Variants in RBFOX1 observed in about 807,000 individuals in gnomAD.
RBFOX1 encodes the protein RNA binding fox-1 homolog 1.
RBFOX1 carries 8 observed loss-of-function variants against 57.7 expected under a neutral mutation model. That is an observed-to-expected ratio of 0.14 (90% confidence interval 0.08 to 0.25). RBFOX1 has a LOEUF of 0.25. Among genes scored for constraint, RBFOX1 ranks in the 10% least tolerant of loss-of-function variants. The probability of loss-of-function intolerance (pLI) is 1.00; values close to 1 mark genes in which losing one functional copy is unlikely to be tolerated. For synonymous variants in RBFOX1, 326 were observed against 222.4 expected, an observed-to-expected ratio of 1.47 and a Z score of -4.15; for missense variants, 611 against 548.5, an observed-to-expected ratio of 1.11 and a Z score of -1.14.
chr16:6,066,410 T>C (rs2152471960), intron 1 of RBFOX1, among the ~76,000 whole-genome samples: 1 of 151,624 alleles, frequency 6.6e-6, no homozygotes, highest in South Asian at 2.1e-4. Context: ...GCATCAGCTA[T>C]TATTGAAAAT....
At chr16:6,433,627 T>C (rs1232570781) in intron 2 of RBFOX1, among the ~76,000 whole-genome samples, 1 of 152,204 alleles carries the variant, frequency 6.6e-6, no homozygotes, top group Admixed American at 6.5e-5. Flanking sequence ...ATCAGATGTC[T>C]GGAAAGAGTT....
At chr16:5,802,656 T>A (rs1025367434) in intron 3 of RBFOX1, among the ~76,000 whole-genome samples, 1 of 152,208 alleles carries the variant, frequency 6.6e-6, no homozygotes, top group African/African-American at 2.4e-5. Flanking sequence ...CCCTGCAGAT[T>A]TCTTCCCTTT....
At chr16:5,967,045 T>A in intron 4 of RBFOX1, among the ~76,000 whole-genome samples, 1 of 146,824 alleles carries the variant, frequency 6.8e-6, no homozygotes, top group Non-Finnish European at 1.5e-5. Flanking sequence ...TTTTGTAAAT[T>A]AAGTTTGATG....
At position 6,842,151 on chromosome 16, in the gene RBFOX1, AT is replaced by A. The variant is rs1457181719; in HGVS notation, c.-16+187502del. ...GAGCAAGACTGTCTCAGAAAAAAAA[AT>A]AAAAAATAAATAAATAAATAAATAA... On this transcript the variant is annotated intron_variant, in intron 3 of 15. Transcript: ENST00000550418. Among the ~76,000 whole-genome samples, 24 of 141,010 alleles carry A rather than the reference AT, an allele frequency of 1.7e-4. 1 individual carries two copies. The highest frequency in any genetic ancestry group is 4.9e-4 in the African/African-American group (18 of 36,668). The allele number at this position is 141,010 out of a possible 152,430, so 92.5% of individuals were successfully genotyped here.
chr16:7,480,465 T>C (rs1291998827), intron 4 of RBFOX1, among the ~76,000 whole-genome samples: 1 of 152,218 alleles, frequency 6.6e-6, no homozygotes, highest in Non-Finnish European at 1.5e-5. Flanking sequence ...TTGAGAACAG[T>C]AAATGTGTAA....
At chr16:5,612,819 C>T (rs1175656525) in intron 3 of RBFOX1, among the ~76,000 whole-genome samples, 3 of 152,168 alleles carry the variant, frequency 2.0e-5, no homozygotes, top group Non-Finnish European at 4.4e-5. Flanking sequence ...GCATTGAAGA[C>T]CTCAGTGCCA....
intron 4 of RBFOX1, among the ~76,000 whole-genome samples, chr16:7,398,266 T>C (rs1010389532): frequency 1.3e-5 from 2 of 152,296 alleles, no homozygotes; most frequent in East Asian, 1.9e-4. Context: ...TTGAATCTTA[T>C]GTTTTTCTTT....
At chr16:6,237,485 G>C (rs2097513971) in intron 1 of RBFOX1, among the ~76,000 whole-genome samples, 1 of 152,108 alleles carries the variant, frequency 6.6e-6, no homozygotes, top group South Asian at 2.1e-4. Flanking sequence ...ACCAGAAAAA[G>C]AAATACCTGC....
intron 1 of RBFOX1, among the ~76,000 whole-genome samples, chr16:6,034,034 A>G (rs1336272000): frequency 4.6e-5 from 7 of 152,120 alleles, no homozygotes; most frequent in African/African-American, 1.7e-4. Context: ...AGGGTGATTT[A>G]GAAAGAATAG....
intron 3 of RBFOX1, among the ~76,000 whole-genome samples, chr16:6,785,860 C>G (rs1257664570): frequency 6.6e-6 from 1 of 152,206 alleles, no homozygotes; most frequent in South Asian, 2.1e-4. Context: ...GTCCATTAGA[C>G]TCTAAAACTG....
intron 2 of RBFOX1, among the ~76,000 whole-genome samples, chr16:5,485,721 G>A (rs1306052469): frequency 6.6e-6 from 1 of 152,148 alleles, no homozygotes; most frequent in East Asian, 1.9e-4. Flanking sequence ...GTTACCCTTG[G>A]TCTATTTTAG....
At chr16:6,841,015 G>T (rs1341185896) in intron 3 of RBFOX1, among the ~76,000 whole-genome samples, 1 of 152,160 alleles carries the variant, frequency 6.6e-6, no homozygotes, top group Non-Finnish European at 1.5e-5. Context: ...AGCACCTTGG[G>T]CTTAGCCTCC....
At chr16:6,506,021 A>T (rs2096078621) in intron 2 of RBFOX1, among the ~76,000 whole-genome samples, 1 of 152,186 alleles carries the variant, frequency 6.6e-6, no homozygotes, top group African/African-American at 2.4e-5. Flanking sequence ...GCTAACTGGG[A>T]TAGGTGACCT....
intron 4 of RBFOX1, among the ~76,000 whole-genome samples, chr16:5,888,986 A>G (rs1323820494): frequency 6.6e-6 from 1 of 151,994 alleles, no homozygotes; most frequent in African/African-American, 2.4e-5. Flanking sequence ...CTTTGTTGGG[A>G]GTATTAAGCA....
intron 3 of RBFOX1, among the ~76,000 whole-genome samples, chr16:5,851,345 A>G (rs1597487310): frequency 6.6e-6 from 1 of 152,094 alleles, no homozygotes; most frequent in East Asian, 1.9e-4. Context: ...GCCACACTGG[A>G]GGTTCATTTC....
At chr16:6,890,061 GATTTTCTTTTAAAGT>G (rs1555576905) in intron 3 of RBFOX1, among the ~76,000 whole-genome samples, 1 of 152,170 alleles carries the variant, frequency 6.6e-6, no homozygotes, top group Non-Finnish European at 1.5e-5. Context: ...TGATTTTATA[GATTTTCTTTTAAAGT>G]AAAATGTGTT....
chr16:6,112,606 G>A (rs562890175), intron 1 of RBFOX1, among the ~76,000 whole-genome samples: 20 of 152,272 alleles, frequency 1.3e-4, no homozygotes, highest in South Asian at 2.1e-4. Context: ...CAGGATAATC[G>A]TTTGAACCCA....
At chr16:6,785,938 A>C (rs534635789) in intron 3 of RBFOX1, among the ~76,000 whole-genome samples, 34 of 152,228 alleles carry the variant, frequency 2.2e-4, no homozygotes, top group African/African-American at 8.2e-4. Context: ...CCTTGTGTAC[A>C]TGCATGTGAC....
intron 4 of RBFOX1, among the ~76,000 whole-genome samples, chr16:5,937,496 AAT>A (rs1403850716): frequency 6.6e-6 from 1 of 152,102 alleles, no homozygotes; most frequent in Non-Finnish European, 1.5e-5. Context: ...TTCAGCAGTG[AAT>A]ATATAAATAT....
Sources: gnomAD v4.1 joint callset for allele counts (sites outside exome capture counted in the v4.1 genomes callset) on GRCh38, gnomAD v4.1.1 for gene constraint, MANE v1.5 for transcripts, NCBI Gene and HGNC (gene_info 2026-07-23, HGNC 2026-07-21) for gene names.